The following EXD2 variants were observed in gnomAD, a reference collection of about 807,000 sequenced individuals.
The protein encoded by EXD2 is exonuclease 3'-5' domain containing 2, also known as exonuclease 3'-5' domain-containing protein 2.
Under a neutral mutation model 62.5 loss-of-function variants are expected in EXD2, and 40 were observed. That is an observed-to-expected ratio of 0.64 (90% CI 0.50 to 0.83). The LOEUF (loss-of-function observed/expected upper bound fraction) is 0.83, where lower values mean the gene tolerates loss of function less well. Ranked by LOEUF, EXD2 falls within the 40% of genes least tolerant of loss-of-function variation. The pLI is 0.00. For synonymous variants in EXD2, 239 were observed against 291.9 expected (o/e 0.82, Z 1.85); for missense variants, 671 against 761.8 (o/e 0.88, Z 1.40).
At chr14:69,212,147 G>A (rs1036107248) in intron 3 of EXD2, among the ~76,000 whole-genome samples, 15 of 152,038 alleles carry the variant, frequency 9.9e-5, no homozygotes, top group African/African-American at 3.1e-4. Flanking sequence ...AGGCCGAGGC[G>A]GGCAGATCAC....
chr14:69,192,651 C>T (rs750122274), intron 1 of EXD2, among the ~76,000 whole-genome samples: 2 of 151,828 alleles, frequency 1.3e-5, no homozygotes, highest in African/African-American at 2.4e-5. Flanking sequence ...GTGTATTTTT[C>T]TTTGCATTTA....
rs557864570 is a variant in EXD2, at chr14:69,234,788, A to C, written c.806A>C (p.Glu269Ala). ...GYPFSRNSPG[E>A]KNDDHSSWRK... is the part of the protein sequence containing the mutation. ...CCTTTCTCTAGGAATTCACCTGGAG[A>C]AAAAAACGATGACCACAGTAGCTGG... The change falls in exon 6 of 10, where the codon GAA (glutamate) becomes GCA (alanine). Residue 269 changes from glutamate to alanine, a missense_variant. By Grantham distance (107) the Glu-to-Ala change is moderately radical. Transcript: ENST00000685843. 2 of 1,614,054 alleles carry C rather than the reference A, an allele frequency of 1.2e-6. No individual in the cohort carries two copies. Among genetic ancestry groups the C allele is most frequent in the Admixed American group, 1.7e-5 (1 of 60,010 alleles).
chr14:69,193,325 A>G (rs1183464931), intron 1 of EXD2, among the ~76,000 whole-genome samples: 1 of 152,120 alleles, frequency 6.6e-6, no homozygotes, highest in Non-Finnish European at 1.5e-5. Context: ...TCCCGAAGTG[A>G]TGGGATTACA....
At chr14:69,235,069 GC>G (rs745431467) in intron 6 of EXD2, 38 bp downstream of exon 6, 27 of 1,513,272 alleles carry the variant, frequency 1.8e-5, no homozygotes, top group Middle Eastern at 2.3e-4. Flanking sequence ...AGAGTCAGTG[GC>G]CCAGCCTTAG....
intron 5 of EXD2, among the ~76,000 whole-genome samples, chr14:69,234,149 AG>A (rs1207110800): frequency 6.6e-6 from 1 of 152,214 alleles, no homozygotes; most frequent in Non-Finnish European, 1.5e-5. Context: ...AGTAAATTCC[AG>A]GAATGGGCCC....
rs928027930 is a variant in EXD2 at position 69,241,322 on chromosome 14, T to A, written c.*222T>A. 3 of 507,870 alleles carry A rather than the reference T, an allele frequency of 5.9e-6. No homozygotes were observed. Among genetic ancestry groups the A allele is most frequent in the Admixed American group, 3.3e-5 (1 of 30,192 alleles). 31.5% of individuals were successfully genotyped at this position (507,870 alleles called of 1,614,324 possible). A position where few individuals can be genotyped will look rare whatever the true frequency, so the allele number is the denominator to read the frequency against. On this transcript the variant is annotated 3_prime_UTR_variant, in exon 10 of 10. Transcript: ENST00000685843. Reference sequence around the variant, plus strand: ...ACGGGCAGGGTCTTTTTTCCTCTCATTTTTGTGGACAAGAGAGGCCTTCGC... The same window carrying A: ...ACGGGCAGGGTCTTTTTTCCTCTCAATTTTGTGGACAAGAGAGGCCTTCGC...
intron 3 of EXD2, among the ~76,000 whole-genome samples, chr14:69,223,230 A>G (rs1042217285): frequency 7.2e-5 from 11 of 152,316 alleles, no homozygotes; most frequent in Non-Finnish European, 1.6e-4. Context: ...TATGGTGATT[A>G]CTCTCAAATT....
chr14:69,210,129 C>T (rs1308008862), intron 3 of EXD2: 1 of 189,566 alleles, frequency 5.3e-6, no homozygotes, highest in Non-Finnish European at 1.1e-5. Flanking sequence ...ATGGTACCTA[C>T]CTCCAGTGGC....
At position 69,234,681 on chromosome 14, in the gene EXD2, C is replaced by G. The variant is rs1423186865; in HGVS notation, c.718-19C>G. 6.3e-7 allele frequency: 1 copy of G among 1,589,690 alleles called. No individual in the cohort carries two copies. The highest frequency in any genetic ancestry group is 1.4e-5 in the African/African-American group (1 of 73,802). On this transcript the variant is annotated intron_variant, in intron 5 of 9. Transcript: ENST00000685843. ...GGTTTGCCTTCCAGATTCCACTGAT[C>G]TCTGACTTTTCTCTTCAGGTAATTT...
intron 3 of EXD2, among the ~76,000 whole-genome samples, chr14:69,222,629 C>T (rs1230897234): frequency 6.6e-6 from 1 of 152,124 alleles, no homozygotes; most frequent in Non-Finnish European, 1.5e-5. Context: ...GTATCCACCC[C>T]AGATATTGCA....
At chr14:69,239,555 A>G (rs1317798336) in intron 9 of EXD2, among the ~76,000 whole-genome samples, 5 of 152,234 alleles carry the variant, frequency 3.3e-5, no homozygotes, top group Admixed American at 3.3e-4. Flanking sequence ...TAAACTTCAC[A>G]TAAATTGCCT....
chr14:69,236,842 G>T (rs2043811538), intron 8 of EXD2, among the ~76,000 whole-genome samples: 1 of 152,214 alleles, frequency 6.6e-6, no homozygotes, highest in Non-Finnish European at 1.5e-5. Flanking sequence ...TTCAGAAGCT[G>T]TGTCCCTCTC....
chr14:69,229,534 G>A (rs540667982), intron 4 of EXD2, among the ~76,000 whole-genome samples: 2 of 152,178 alleles, frequency 1.3e-5, no homozygotes, highest in African/African-American at 4.8e-5. Flanking sequence ...AGCGTGCTCT[G>A]TTCAGTTTGC....
At chr14:69,206,786 A>G (rs942649407) in intron 2 of EXD2, among the ~76,000 whole-genome samples, 2 of 151,896 alleles carry the variant, frequency 1.3e-5, no homozygotes, top group East Asian at 1.9e-4. Flanking sequence ...CCAGCCTTCC[A>G]CCCACTTGGG....
At position 69,234,751 on chromosome 14, in the gene EXD2, C is replaced by A; in HGVS notation, c.769C>A (p.Leu257Ile). The change falls in exon 6 of 10, where the codon CTT becomes ATT. Residue 257 changes from leucine to isoleucine, a missense_variant. Transcript: ENST00000685843. ...AQISVALFLH[L>I]LGYPFSRNSP... ...GATTTCAGTGGCTCTCTTTCTTCAT[C>A]TTCTTGGATACCCTTTCTCTAGGAA... The A allele has an allele frequency of 6.2e-7, 1 of 1,613,982 alleles. No homozygotes were observed.
chr14:69,205,763 G>T (rs2042572174), intron 2 of EXD2, among the ~76,000 whole-genome samples: 1 of 151,896 alleles, frequency 6.6e-6, no homozygotes, highest in Admixed American at 6.6e-5. Context: ...GATAGACTCT[G>T]CCTGGTTCCA....
intron 1 of EXD2, among the ~76,000 whole-genome samples, chr14:69,192,351 C>T (rs1301757783): frequency 6.6e-6 from 1 of 152,110 alleles, no homozygotes; most frequent in Non-Finnish European, 1.5e-5. Flanking sequence ...TTTTGTTAAT[C>T]ATAGGAATTA....
chr14:69,234,312 C>T (rs746336743), intron 5 of EXD2, among the ~76,000 whole-genome samples: 40 of 152,112 alleles, frequency 2.6e-4, no homozygotes, highest in Admixed American at 2.0e-4. Context: ...ATGACTGCCT[C>T]CAAAGTGAAT....
At position 69,241,524 on chromosome 14, in the gene EXD2, G is replaced by A. The variant is rs1043254; in HGVS notation, c.*424G>A. On this transcript the variant is annotated 3_prime_UTR_variant, in exon 10 of 10. Coordinates refer to ENST00000685843, the MANE Select transcript of EXD2 (RefSeq NM_001193360.2). ...GTATATCGGTCCTGTTAGGAGGGGAGAAAAAGTTCTTCCAAAGGCTGGAGA... is the reference window on the plus strand; with the variant it reads ...GTATATCGGTCCTGTTAGGAGGGGAAAAAAAGTTCTTCCAAAGGCTGGAGA... 57,994 of 257,902 alleles carry A rather than the reference G, an allele frequency of 0.22. 7,030 individuals carry two copies. The highest frequency in any genetic ancestry group is 0.29 in the Middle Eastern group (255 of 872). 16.0% of individuals were successfully genotyped at this position (257,902 alleles called of 1,614,324 possible).
Sources: allele counts gnomAD v4.1 joint callset (sites outside exome capture counted in the v4.1 genomes callset), GRCh38; gene constraint gnomAD v4.1.1; transcripts MANE v1.5; gene names NCBI Gene and HGNC (gene_info 2026-07-23, HGNC 2026-07-21).